CADM2: variants seen among roughly 807,000 people sequenced by gnomAD.
The protein encoded by CADM2 is cell adhesion molecule 2.
Under a neutral mutation model 49.8 loss-of-function variants are expected in CADM2, and 12 were observed. That is an observed-to-expected ratio of 0.24 (90% CI 0.15 to 0.39). The LOEUF (loss-of-function observed/expected upper bound fraction) is 0.39, where lower values mean the gene tolerates loss of function less well. Among genes scored for constraint, CADM2 ranks in the 10% least tolerant of loss-of-function variants. The pLI, the probability that CADM2 is intolerant of heterozygous loss-of-function variation, is 1.00. For synonymous variants in CADM2, 214 were observed against 175.4 expected (o/e 1.22, Z -1.74); for missense variants, 378 against 492.3 (o/e 0.77, Z 2.20).
At chr3:85,393,129 G>T (rs1037769274) in intron 1 of CADM2, among the ~76,000 whole-genome samples, 1 of 149,472 alleles carries the variant, frequency 6.7e-6, no homozygotes, top group African/African-American at 2.4e-5. Context: ...TAGGATAAAT[G>T]ATAGTTGTAA....
chr3:85,438,651 T>G (rs2037043822), intron 1 of CADM2, among the ~76,000 whole-genome samples: 1 of 151,982 alleles, frequency 6.6e-6, no homozygotes, highest in Non-Finnish European at 1.5e-5. Flanking sequence ...CATTGATAGA[T>G]CTTTCCTTTC....
At chr3:85,147,076 C>A (rs1191010063) in intron 1 of CADM2, among the ~76,000 whole-genome samples, 1 of 151,832 alleles carries the variant, frequency 6.6e-6, no homozygotes, top group Non-Finnish European at 1.5e-5. Context: ...AGGTCAAGAC[C>A]ATCCTGGCTA....
intron 1 of CADM2, among the ~76,000 whole-genome samples, chr3:85,372,381 G>A (rs59749337): frequency 0.015 from 2,172 of 149,728 alleles, 58 homozygotes; most frequent in African/African-American, 0.05. Flanking sequence ...ATATGTGTGT[G>A]TGTATATATA....
At chr3:85,057,107 T>C (rs2036110242) in intron 1 of CADM2, among the ~76,000 whole-genome samples, 1 of 152,140 alleles carries the variant, frequency 6.6e-6, no homozygotes, top group Admixed American at 6.6e-5. Flanking sequence ...TATTGACAGA[T>C]TTCTTAAACA....
chr3:85,947,583 TGA>T (rs1425098307), intron 7 of CADM2, among the ~76,000 whole-genome samples: 4 of 151,678 alleles, frequency 2.6e-5, no homozygotes, highest in Non-Finnish European at 5.9e-5. Context: ...CTTTCCATAA[TGA>T]GTTTCTTTTC....
chr3:85,961,944 TA>T (rs1329349760), intron 8 of CADM2, among the ~76,000 whole-genome samples: 2 of 152,104 alleles, frequency 1.3e-5, no homozygotes, highest in Non-Finnish European at 2.9e-5. Context: ...TTTTATTTTT[TA>T]TTTTTTTTGG....
intron 8 of CADM2, among the ~76,000 whole-genome samples, chr3:86,037,455 G>A (rs1735308467): frequency 6.6e-6 from 1 of 152,126 alleles, no homozygotes; most frequent in African/African-American, 2.4e-5. Context: ...GGCAGGGCAA[G>A]CACTAAACTA....
chr3:85,847,350 T>C (rs554417415), intron 3 of CADM2, among the ~76,000 whole-genome samples: 206 of 152,294 alleles, frequency 1.4e-3, no homozygotes, highest in Non-Finnish European at 2.4e-3. Flanking sequence ...ATTTTCACCA[T>C]AGTGATCTAG....
At chr3:85,914,047 T>A (rs1717966068) in intron 6 of CADM2, among the ~76,000 whole-genome samples, 2 of 152,056 alleles carry the variant, frequency 1.3e-5, no homozygotes, top group South Asian at 4.1e-4. Context: ...TTACTTTTTA[T>A]ATGGAAAATA....
chr3:85,712,734 CT>C (rs11350369), intron 1 of CADM2, among the ~76,000 whole-genome samples: 72,941 of 150,816 alleles, frequency 0.48, 18,110 homozygotes, highest in African/African-American at 0.62. Flanking sequence ...TCATGTTAAG[CT>C]TTTTTTTTTC....
At chr3:85,239,759 A>G (rs544632268) in intron 1 of CADM2, among the ~76,000 whole-genome samples, 8 of 151,542 alleles carry the variant, frequency 5.3e-5, no homozygotes, top group African/African-American at 1.9e-4. Flanking sequence ...AATATTTTAA[A>G]TAATTGACTT....
chr3:85,044,211 T>C (rs901832533), intron 1 of CADM2, among the ~76,000 whole-genome samples: 1 of 152,138 alleles, frequency 6.6e-6, no homozygotes, highest in African/African-American at 2.4e-5. Context: ...GTGCATTCCA[T>C]ATGGGTGAGA....
At chr3:85,466,107 G>C (rs1194073477) in intron 1 of CADM2, among the ~76,000 whole-genome samples, 1 of 152,180 alleles carries the variant, frequency 6.6e-6, no homozygotes, top group African/African-American at 2.4e-5. Context: ...AAGTGACTTG[G>C]AGAAAGCCTT....
chr3:85,251,193 A>G (rs1034460445), intron 1 of CADM2, among the ~76,000 whole-genome samples: 1 of 151,826 alleles, frequency 6.6e-6, no homozygotes, highest in African/African-American at 2.4e-5. Flanking sequence ...GCTACTTTAT[A>G]CCTGATTACC....
intron 1 of CADM2, among the ~76,000 whole-genome samples, chr3:85,244,296 G>A (rs1402748141): frequency 6.6e-6 from 1 of 151,874 alleles, no homozygotes; most frequent in Non-Finnish European, 1.5e-5. Context: ...TGTCTCTCTT[G>A]GGCCCTTTTG....
At chr3:85,927,288 G>A (rs1719995219) in intron 6 of CADM2, among the ~76,000 whole-genome samples, 1 of 152,090 alleles carries the variant, frequency 6.6e-6, no homozygotes, top group Non-Finnish European at 1.5e-5. Flanking sequence ...AGTTATTCTA[G>A]GACATGAGGA....
At chr3:85,231,878 A>AT (rs1269785291) in intron 1 of CADM2, among the ~76,000 whole-genome samples, 1 of 151,304 alleles carries the variant, frequency 6.6e-6, no homozygotes, top group Non-Finnish European at 1.5e-5. Flanking sequence ...CACCCGACTA[A>AT]TTTTTGTATT....
chr3:85,126,184 T>C (rs1170894931), intron 1 of CADM2, among the ~76,000 whole-genome samples: 1 of 152,302 alleles, frequency 6.6e-6, no homozygotes, highest in Admixed American at 6.5e-5. Context: ...CTGAAAAATC[T>C]GTATACAGGC....
chr3:85,637,978 T>C (rs75739001), intron 1 of CADM2, among the ~76,000 whole-genome samples: 22,973 of 152,190 alleles, frequency 0.15, 1,851 homozygotes, highest in African/African-American at 0.19. Flanking sequence ...TAATGCGATA[T>C]ATGAACAAGG....
Sources: allele counts gnomAD v4.1 joint callset (sites outside exome capture counted in the v4.1 genomes callset), GRCh38; gene constraint gnomAD v4.1.1; transcripts MANE v1.5; gene names NCBI Gene and HGNC (gene_info 2026-07-23, HGNC 2026-07-21).